Variants in CPLANE1 observed in about 807,000 individuals in gnomAD.
The protein encoded by CPLANE1 is ciliogenesis and planar polarity effector complex subunit 1.
In CPLANE1, 263 loss-of-function variants were observed where a neutral mutation model predicts 362.5. The ratio of observed to expected loss-of-function variants is 0.73; its 90% CI spans 0.66 to 0.80. CPLANE1 has a LOEUF of 0.80. Ranked by LOEUF, CPLANE1 falls within the 30% of genes least tolerant of loss-of-function variation. CPLANE1 has a pLI of 0.00. For missense variants in CPLANE1, 3,461 were observed against 3,793.4 expected, an observed-to-expected ratio of 0.91 and a Z score of 2.30; for synonymous variants, 1,212 against 1,302.6, an observed-to-expected ratio of 0.93 and a Z score of 1.50.
Position 37,186,306 on chromosome 5 carries a change from A to G in CPLANE1, c.4169T>C (p.Leu1390Pro). Residue 1390 changes from leucine to proline, a missense_variant, in exon 24 of 53, where the codon CTC (leucine) becomes CCC (proline). Transcript: ENST00000651892. ...RDKYHSLHQR[L>P]RHCVVKGPQT... ...AATACCTTTCACAACACAGTGTCTG[A>G]GTCTCTGGTGAAGAGAGTGATATTT... 6.5e-7 allele frequency: 1 copy of G among 1,548,752 alleles called. No homozygotes were observed. The highest frequency in any genetic ancestry group is 8.9e-7 in the Non-Finnish European group (1 of 1,121,004).
At chr5:37,127,805 C>T (rs1456455284) in intron 46 of CPLANE1, among the ~76,000 whole-genome samples, 2 of 151,876 alleles carry the variant, frequency 1.3e-5, no homozygotes, top group African/African-American at 2.4e-5. Flanking sequence ...CATGAGCCAC[C>T]GAGCCCAGCC....
chr5:37,129,079 A>G (rs1765054601), intron 46 of CPLANE1, among the ~76,000 whole-genome samples: 1 of 152,214 alleles, frequency 6.6e-6, no homozygotes, highest in Non-Finnish European at 1.5e-5. Flanking sequence ...ATGGAACAGA[A>G]TAGAGAACCC....
chr5:37,185,955 C>G (rs1390192026), intron 24 of CPLANE1, among the ~76,000 whole-genome samples: 1 of 152,192 alleles, frequency 6.6e-6, no homozygotes. Flanking sequence ...TATTATCTTA[C>G]TTAATCCTCT....
intron 43 of CPLANE1, among the ~76,000 whole-genome samples, chr5:37,146,886 A>G (rs1580159151): frequency 6.6e-6 from 1 of 152,326 alleles, no homozygotes; most frequent in Middle Eastern, 3.4e-3. Context: ...TTCATATTAA[A>G]CAAAATTGAC....
intron 13 of CPLANE1, 31 bp downstream of exon 13, chr5:37,224,501 T>C: frequency 1.4e-6 from 2 of 1,442,520 alleles, no homozygotes; most frequent in Non-Finnish European, 1.9e-6. Flanking sequence ...CATTTATTCA[T>C]GGAGTTAGAA....
chr5:37,170,166 G>A lies in CPLANE1; in HGVS notation c.6337C>T (p.Leu2113Phe). ...GGTTTAATAAAAAATCTCTCCTTAA[G>A]ATTTTTGTTGCTGTCTTCAACATCA... ...CGDVEDSNKNLKERFFIKPQS... is the reference protein window; with the variant it reads ...CGDVEDSNKNFKERFFIKPQS... The change falls in exon 33 of 53, where the codon CTT (leucine) becomes TTT (phenylalanine). Residue 2113 changes from leucine (L) to phenylalanine (F), a missense_variant. Around this residue, in one of 2 missense-constraint regions of CPLANE1, gnomAD observed 3,380 missense variants for 3,666.1 expected, o/e 0.92. Transcript: ENST00000651892. 6.2e-7 allele frequency: 1 copy of A among 1,614,122 alleles called. No homozygotes were observed. Among genetic ancestry groups the A allele is most frequent in the South Asian group, 1.1e-5 (1 of 91,074 alleles).
rs187115637 is a variant in CPLANE1 at position 37,163,157 on chromosome 5, C to A, written c.7589-591G>T. 2.6e-4 allele frequency among the ~76,000 whole-genome samples: 39 copies of A among 152,246 alleles called. 1 individual carries two copies. The Middle Eastern group carries it at 0.01, about 40-fold the overall frequency. On this transcript the variant is annotated intron_variant, in intron 37 of 52. Coordinates refer to ENST00000651892, the MANE Select transcript of CPLANE1 (RefSeq NM_001384732.1). ...GAAATGATATGGTCAGATTCATATT[C>A]TAGGAAAACAACCTAGCCAGTGTGT...
intron 48 of CPLANE1, 96 bp from the exon 49 acceptor site, chr5:37,121,880 G>GT: frequency 1.4e-5 from 14 of 996,428 alleles, no homozygotes; most frequent in South Asian, 7.2e-5. Context: ...AGCATGTTCT[G>GT]GTTTTTTTTT....
At chr5:37,101,227 G>T in the CPLANE1 span, among the ~76,000 whole-genome samples, 1 of 152,210 alleles carries the variant, frequency 6.6e-6, no homozygotes, top group Non-Finnish European at 1.5e-5. Context: ...CATTCAGTAT[G>T]ATACTGGCTG....
chr5:37,176,047 T>G, intron 30 of CPLANE1, 61 bp from the exon 31 acceptor site: 1 of 1,096,674 alleles, frequency 9.1e-7, no homozygotes, highest in Non-Finnish European at 1.4e-6. Context: ...ATCTAAGGTA[T>G]GAGTGATCTA....
At chr5:37,119,268 C>T (rs1761945128) in intron 50 of CPLANE1, among the ~76,000 whole-genome samples, 1 of 152,140 alleles carries the variant, frequency 6.6e-6, no homozygotes, top group African/African-American at 2.4e-5. Flanking sequence ...TGCAATCTAT[C>T]AGAACTTGAT....
rs755291552 is a variant in CPLANE1, at chr5:37,168,892, C to T, written c.7132G>A (p.Ala2378Thr). ...GGTGTTGAGGGAACTGTAATAGATG[C>T]TCTTGAGGTTGATGGAAACATATTA... ...PPNMFPSTSRASITVPSTPIQ... is the reference protein window; with the variant it reads ...PPNMFPSTSRTSITVPSTPIQ... The change falls in exon 34 of 53, where the codon GCA (alanine) becomes ACA (threonine). Residue 2378 changes from alanine (A) to threonine (T), a missense_variant. By Grantham distance (58) the Ala-to-Thr change is moderately conservative. Coordinates refer to ENST00000651892, the MANE Select transcript of CPLANE1 (RefSeq NM_001384732.1). 3.7e-6 allele frequency: 6 copies of T among 1,613,958 alleles called. No individual in the cohort carries two copies. The highest frequency in any genetic ancestry group is 3.3e-5 in the South Asian group (3 of 91,086).
At chr5:37,204,236 G>A (rs1580708574) in intron 18 of CPLANE1, among the ~76,000 whole-genome samples, 1 of 152,256 alleles carries the variant, frequency 6.6e-6, no homozygotes, top group Non-Finnish European at 1.5e-5. Flanking sequence ...AAGCATTATA[G>A]GTTCTCTCAA....
At chr5:37,234,869 T>C (rs1226878206) in intron 8 of CPLANE1, among the ~76,000 whole-genome samples, 1 of 152,210 alleles carries the variant, frequency 6.6e-6, no homozygotes, top group Non-Finnish European at 1.5e-5. Flanking sequence ...GAGTGTATTA[T>C]TTCATAATAG....
intron 6 of CPLANE1, among the ~76,000 whole-genome samples, chr5:37,241,374 G>A (rs1800412006): frequency 6.6e-6 from 1 of 152,088 alleles, no homozygotes; most frequent in Non-Finnish European, 1.5e-5. Context: ...AGAATCGCTT[G>A]AACCTGGGAG....
In CPLANE1 at chr5:37,244,589, T is replaced by C. The variant is rs1738855611; in HGVS notation, c.356A>G (p.Tyr119Cys). 3.2e-6 allele frequency: 5 copies of C among 1,548,968 alleles called. No individual in the cohort carries two copies. In the Admixed American group the frequency reaches 5.9e-5, roughly 18 times the overall value. Reference protein sequence around the residue: ...KATVASSLRLYLYVSGNGKRI... With the variant: ...KATVASSLRLCLYVSGNGKRI... Reference sequence around the variant, plus strand: ...TTTCCCATTTCCAGATACATACAAGTACAGTCTCAAAGAGCTTGCTAAAAA... The same window carrying C: ...TTTCCCATTTCCAGATACATACAAGCACAGTCTCAAAGAGCTTGCTAAAAA... The change falls in exon 5 of 53, where the codon TAC (tyrosine) becomes TGC (cysteine). Residue 119 changes from tyrosine (Y) to cysteine (C), a missense_variant. Coordinates refer to ENST00000651892, the MANE Select transcript of CPLANE1 (RefSeq NM_001384732.1).
Position 37,120,197 on chromosome 5 carries a change from A to G in CPLANE1, c.9310+19T>C. 1 of 1,588,496 alleles carries G rather than the reference A, an allele frequency of 6.3e-7. No homozygotes were observed. The highest frequency in any genetic ancestry group is 8.5e-7 in the Non-Finnish European group (1 of 1,173,326). ...ATAGGTCCAAATCAGACAATTTATA[A>G]AAAAGCTTTAAGTCTTACCATGTGG... On this transcript the variant is annotated intron_variant, in intron 50 of 52. Transcript: ENST00000651892.
At chr5:37,210,141 C>CT in intron 16 of CPLANE1, 1 of 1,003,406 alleles carries the variant, frequency 1.0e-6, no homozygotes, top group Non-Finnish European at 1.6e-6. Context: ...ATCTGAAGCC[C>CT]TTGTTATTCG....
chr5:37,122,135 T>C (rs571350425), intron 48 of CPLANE1, among the ~76,000 whole-genome samples: 47 of 152,320 alleles, frequency 3.1e-4, no homozygotes, highest in Middle Eastern at 6.8e-3. Flanking sequence ...TTATTAAAGG[T>C]ACTTGTAGTT....
Sources: allele counts gnomAD v4.1 joint callset (sites outside exome capture counted in the v4.1 genomes callset), GRCh38; gene constraint gnomAD v4.1.1; regional missense constraint gnomAD v4.1.1; transcripts MANE v1.5; gene names NCBI Gene and HGNC (gene_info 2026-07-23, HGNC 2026-07-21).